Variants in WDFY2 observed in about 807,000 individuals in gnomAD.
WDFY2 encodes the protein WD repeat and FYVE domain containing 2.
A neutral mutation model predicts 56.4 loss-of-function variants in WDFY2; 36 were observed. The ratio of observed to expected loss-of-function variants is 0.64; its 90% CI spans 0.49 to 0.84. WDFY2 has a LOEUF of 0.84. WDFY2 is among the 40% of genes least tolerant of loss of function. WDFY2 has a pLI of 0.00. For synonymous variants in WDFY2, 176 were observed against 183.7 expected (o/e 0.96, Z 0.34); for missense variants, 444 against 512.2 (o/e 0.87, Z 1.29).
intron 1 of WDFY2, among the ~76,000 whole-genome samples, chr13:51,642,831 C>G (rs1282361755): frequency 6.6e-6 from 1 of 152,014 alleles, no homozygotes; most frequent in Non-Finnish European, 1.5e-5. Flanking sequence ...CAAGTGCACA[C>G]CACCATACCC....
chr13:51,619,251 G>C (rs1954681484), intron 1 of WDFY2, among the ~76,000 whole-genome samples: 1 of 152,126 alleles, frequency 6.6e-6, no homozygotes, highest in Non-Finnish European at 1.5e-5. Context: ...CCAGGAGTTT[G>C]AGACCAGCTT....
chr13:51,624,724 G>A (rs78972315), intron 1 of WDFY2, among the ~76,000 whole-genome samples: 7,016 of 152,262 alleles, frequency 0.046, 226 homozygotes, highest in Middle Eastern at 0.085. Flanking sequence ...TTTTAAAAAA[G>A]GAATGGCTAG....
At chr13:51,731,890 C>T (rs1952730713) in intron 6 of WDFY2, among the ~76,000 whole-genome samples, 1 of 152,170 alleles carries the variant, frequency 6.6e-6, no homozygotes, top group Non-Finnish European at 1.5e-5. Context: ...TCTTACAGTA[C>T]AGAAGGTCAT....
At position 51,584,594 on chromosome 13, in the gene WDFY2, C is replaced by T. The variant is rs868755951; in HGVS notation, c.-94C>T. The T allele has an allele frequency of 1.5e-5, 22 of 1,451,492 alleles. No homozygotes were observed. The Middle Eastern group carries it at 7.5e-4, about 50-fold the overall frequency. The allele number at this position is 1,451,492 out of a possible 1,614,324, so 89.9% of individuals were successfully genotyped here. On this transcript the variant is annotated 5_prime_UTR_variant, in exon 1 of 12. Coordinates refer to ENST00000298125, the MANE Select transcript of WDFY2 (RefSeq NM_052950.4). ...GCGTTCCGCTCCGGCCAGCCAGAGTCTCTGTCTCAACCTGTGTCCGTGCTC... is the reference window on the plus strand; with the variant it reads ...GCGTTCCGCTCCGGCCAGCCAGAGTTTCTGTCTCAACCTGTGTCCGTGCTC...
intron 1 of WDFY2, among the ~76,000 whole-genome samples, chr13:51,646,205 C>A (rs556380695): frequency 2.6e-5 from 4 of 152,348 alleles, no homozygotes; most frequent in African/African-American, 9.6e-5. Context: ...AGCTCCTCAT[C>A]CTCAGCATCG....
intron 1 of WDFY2, chr13:51,587,880 A>G (rs925392202): frequency 6.6e-6 from 1 of 152,206 alleles, no homozygotes; most frequent in Non-Finnish European, 1.5e-5. Context: ...TGGCCTGATA[A>G]TACTCAAATC....
At chr13:51,602,005 T>C (rs1290618137) in intron 1 of WDFY2, among the ~76,000 whole-genome samples, 1 of 152,256 alleles carries the variant, frequency 6.6e-6, no homozygotes, top group Non-Finnish European at 1.5e-5. Flanking sequence ...CTTTACTTGC[T>C]GTGAGTATTG....
At chr13:51,709,745 A>T (rs1466248164) in intron 4 of WDFY2, among the ~76,000 whole-genome samples, 2 of 152,252 alleles carry the variant, frequency 1.3e-5, no homozygotes, top group Non-Finnish European at 2.9e-5. Flanking sequence ...GAAGAAGTTG[A>T]ATCCCTGAAT....
intron 1 of WDFY2, among the ~76,000 whole-genome samples, chr13:51,648,944 C>T (rs964735431): frequency 3.3e-5 from 5 of 152,042 alleles, no homozygotes; most frequent in African/African-American, 1.2e-4. Context: ...GTCAGAGGTT[C>T]AAGACCAGCC....
chr13:51,593,649 T>A (rs1954092529), intron 1 of WDFY2, among the ~76,000 whole-genome samples: 1 of 152,198 alleles, frequency 6.6e-6, no homozygotes, highest in Non-Finnish European at 1.5e-5. Context: ...GGCTGACTGG[T>A]GAATATTTTT....
chr13:51,594,094 C>CT (rs1954101133), intron 1 of WDFY2: 1 of 152,190 alleles, frequency 6.6e-6, no homozygotes. Context: ...ATATTGGTGT[C>CT]TAACTTAGTG....
intron 1 of WDFY2, chr13:51,587,119 A>C (rs1231863830): frequency 2.6e-5 from 4 of 152,238 alleles, no homozygotes; most frequent in Admixed American, 1.3e-4. Context: ...TTAAAGCCGC[A>C]AGTAATGTTC....
intron 1 of WDFY2, among the ~76,000 whole-genome samples, chr13:51,619,337 G>A (rs547261359): frequency 4.6e-4 from 70 of 151,774 alleles, no homozygotes; most frequent in Non-Finnish European, 8.5e-4. Context: ...GGTGGTGCAC[G>A]CCTGTGGTCC....
Position 51,641,286 on chromosome 13 carries a change from C to T in WDFY2, c.138-19310C>T, listed in dbSNP as rs1034012466. On this transcript the variant is annotated intron_variant, in intron 1 of 11. Coordinates refer to ENST00000298125, the MANE Select transcript of WDFY2 (RefSeq NM_052950.4). ...GAATTTCCACCATCTTGGCCAGGCT[C>T]GTCTTGAACTCCTGACTTCGTGATC... Among the ~76,000 whole-genome samples, 29 of 151,966 alleles carry T rather than the reference C, an allele frequency of 1.9e-4. No homozygotes were observed. In the East Asian group the frequency reaches 5.6e-3, roughly 29 times the overall value.
At chr13:51,711,594 GA>G (rs1169596785) in intron 4 of WDFY2, among the ~76,000 whole-genome samples, 4 of 151,268 alleles carry the variant, frequency 2.6e-5, no homozygotes, top group Non-Finnish European at 4.4e-5. Context: ...AAATTTACAA[GA>G]AAAAATCAAA....
At chr13:51,631,099 GAAAGAAA>G (rs1223554749) in intron 1 of WDFY2, among the ~76,000 whole-genome samples, 3 of 145,502 alleles carry the variant, frequency 2.1e-5, no homozygotes, top group African/African-American at 7.5e-5. Context: ...GTTTTTTAAG[GAAAGAAA>G]ACAAGCTGGG....
At chr13:51,625,573 G>A (rs1430959213) in intron 1 of WDFY2, among the ~76,000 whole-genome samples, 2 of 152,100 alleles carry the variant, frequency 1.3e-5, no homozygotes, top group South Asian at 4.2e-4. Context: ...ACTAAAATTC[G>A]GTACCCATTC....
In WDFY2 at chr13:51,762,927, T is replaced by TATC. The variant is rs996556221; in HGVS notation, c.*3159_*3161dup. 1.3e-5 allele frequency: 2 copies of TATC among 152,250 alleles called. No individual in the cohort carries two copies. Among genetic ancestry groups the TATC allele is most frequent in the African/African-American group, 2.4e-5 (1 of 41,474 alleles). 9.4% of individuals were successfully genotyped at this position (152,250 alleles called of 1,614,324 possible). The stretch of plus-strand genomic sequence containing the variant: ...ATTACTTGACATTACTGCCTGAGTG[T>TATC]ATCTTCACAATAGCAAAATGGTTTG... On this transcript the variant is annotated 3_prime_UTR_variant, in exon 12 of 12. Transcript: ENST00000298125.
At chr13:51,593,219 G>A (rs1345890567) in intron 1 of WDFY2, among the ~76,000 whole-genome samples, 6 of 152,074 alleles carry the variant, frequency 3.9e-5, no homozygotes, top group African/African-American at 1.4e-4. Context: ...TTTATTTAAT[G>A]ATTATACTGT....
Sources: allele counts gnomAD v4.1 joint callset (sites outside exome capture counted in the v4.1 genomes callset), GRCh38; gene constraint gnomAD v4.1.1; transcripts MANE v1.5; gene names NCBI Gene and HGNC (gene_info 2026-07-23, HGNC 2026-07-21).